MADD: variants seen among roughly 807,000 people sequenced by gnomAD.
MADD encodes the protein MAP kinase activating death domain.
In MADD, 109 loss-of-function variants were observed where a neutral mutation model predicts 176.7. The observed-to-expected ratio is 0.62, with a 90% CI of 0.53 to 0.72. The LOEUF (loss-of-function observed/expected upper bound fraction) is 0.72. Ranked by LOEUF, MADD falls within the 30% of genes least tolerant of loss-of-function variation. The probability of loss-of-function intolerance (pLI) is 0.00; values close to 1 mark genes in which losing one functional copy is unlikely to be tolerated. For missense variants in MADD, 1,914 were observed against 2,045.5 expected, an observed-to-expected ratio of 0.94 and a Z score of 1.24; for synonymous variants, 771 against 771.3, an observed-to-expected ratio of 1.00 and a Z score of 0.01.
At chr11:47,275,904 C>G in exon 4 of MADD, 1 of 1,606,598 alleles carries the variant, frequency 6.2e-7, no homozygotes. Flanking sequence ...CTCAGGGACA[C>G]CATGTGGCGG....
intron 22 of MADD, among the ~76,000 whole-genome samples, chr11:47,296,276 G>C (rs2071704978): frequency 6.6e-6 from 1 of 152,136 alleles, no homozygotes; most frequent in Non-Finnish European, 1.5e-5. Flanking sequence ...AATCATTGAT[G>C]AGTTAGGCTC....
intron 16 of MADD, 56 bp from the exon 18 acceptor site, chr11:47,289,811 G>T (rs550564901): frequency 1.1e-5 from 18 of 1,578,580 alleles, no homozygotes; most frequent in African/African-American, 2.7e-5. Context: ...GGTGAAAGGT[G>T]GGGGGTGCTC....
rs908242781 is a variant in MADD, at chr11:47,327,263, C to T, written c.4612+456C>T. On this transcript the variant is annotated intron_variant, in intron 31 of 32. Coordinates refer to ENST00000402192, the Ensembl canonical transcript of MADD. ...TGCCAGACAAAGGGGCACCGGGCGT[C>T]GCAGGCAGACTCACTTGAGGGACAG... 2.0e-5 allele frequency: 20 copies of T among 993,526 alleles called. No homozygotes were observed. In the Admixed American group the frequency reaches 2.3e-4, roughly 11 times the overall value. The allele number at this position is 993,526 out of a possible 1,614,324, so 61.5% of individuals were successfully genotyped here. A position where few individuals can be genotyped will look rare whatever the true frequency, so the allele number is the denominator to read the frequency against.
intron 27 of MADD, 103 bp from the exon 31 acceptor site, chr11:47,323,568 C>T (rs1475351526): frequency 8.0e-7 from 1 of 1,254,120 alleles, no homozygotes; most frequent in African/African-American, 1.5e-5. Flanking sequence ...GGCAGAAAAC[C>T]TGACCATGGG....
At chr11:47,322,415 T>G (rs944945185) in intron 27 of MADD, among the ~76,000 whole-genome samples, 1 of 151,888 alleles carries the variant, frequency 6.6e-6, no homozygotes, top group Non-Finnish European at 1.5e-5. Context: ...AGACTATCCT[T>G]GCTAACACGG....
intron 10 of MADD, 89 bp downstream of exon 10, chr11:47,283,058 G>C: frequency 8.7e-7 from 1 of 1,151,342 alleles, no homozygotes; most frequent in Non-Finnish European, 1.2e-6. Flanking sequence ...AAGTCTCATA[G>C]GCTTCCCATA....
intron 22 of MADD, among the ~76,000 whole-genome samples, chr11:47,304,125 A>T (rs1241861857): frequency 1.3e-5 from 2 of 151,928 alleles, no homozygotes; most frequent in Non-Finnish European, 2.9e-5. Context: ...ACTGTTTTCC[A>T]TTCTAACTTT....
chr11:47,284,646 T>G, intron 12 of MADD, 81 bp downstream of exon 12: 1 of 1,499,816 alleles, frequency 6.7e-7, no homozygotes, highest in Admixed American at 2.1e-5. Flanking sequence ...GCTGTAGCTA[T>G]TCATTTGCTG....
chr11:47,321,184 T>C (rs57271039), intron 27 of MADD, among the ~76,000 whole-genome samples: 2,499 of 152,330 alleles, frequency 0.016, 82 homozygotes, highest in African/African-American at 0.057. Context: ...TTAGAAATCA[T>C]GTGTTCTCCT....
At chr11:47,306,207 G>T (rs997587701) in intron 22 of MADD, among the ~76,000 whole-genome samples, 2 of 152,136 alleles carry the variant, frequency 1.3e-5, no homozygotes, top group African/African-American at 4.8e-5. Context: ...AGGTGGAGTG[G>T]CTCTGCCTCC....
At chr11:47,273,828 C>A in exon 2 of MADD, 1 of 1,202,006 alleles carries the variant, frequency 8.3e-7, no homozygotes, top group Non-Finnish European at 1.2e-6. Context: ...TCCTATTAGA[C>A]TTCGATTTTC....
chr11:47,286,098 T>C (rs1463410777), intron 14 of MADD, among the ~76,000 whole-genome samples: 3 of 152,194 alleles, frequency 2.0e-5, no homozygotes, highest in African/African-American at 7.2e-5. Context: ...GATTGTGAGT[T>C]TCTTCAGCAG....
At chr11:47,306,163 C>T (rs893430415) in intron 22 of MADD, among the ~76,000 whole-genome samples, 1 of 152,150 alleles carries the variant, frequency 6.6e-6, no homozygotes, top group African/African-American at 2.4e-5. Flanking sequence ...TAGGGTACTG[C>T]TTCAGCTGCA....
intron 27 of MADD, among the ~76,000 whole-genome samples, chr11:47,321,262 T>C (rs2094430451): frequency 6.6e-6 from 1 of 152,202 alleles, no homozygotes. Context: ...GTATTGTCCA[T>C]TTTCCCCCTG....
At position 47,302,685 on chromosome 11, in the gene MADD, A is replaced by AT. The variant is rs937820887; in HGVS notation, c.3643-5894dup. The stretch of plus-strand genomic sequence containing the variant: ...TAGGCAGCATATAGTTAGGTCAAGT[A>AT]TTTTTTTTTTTTAATCCATTCAGCC... On this transcript the variant is annotated intron_variant, in intron 22 of 32. Transcript: ENST00000402192. Among the ~76,000 whole-genome samples the AT allele has an allele frequency of 1.0e-2, 1,445 of 144,932 alleles. 23 individuals are homozygous for AT. The highest frequency in any genetic ancestry group is 0.033 in the African/African-American group (1,321 of 39,772).
rs767999606 is a variant in MADD at position 47,274,533 on chromosome 11, G to A, written c.63-30G>A. On this transcript the variant is annotated intron_variant, in intron 2 of 32. Transcript: ENST00000402192. ...TTTGATAGCCCATTCCATCCCTTCA[G>A]GCTGCTGAATTTGTCTTTATGTTCT... The A allele has an allele frequency of 9.0e-6, 14 of 1,558,370 alleles. No individual in the cohort carries two copies. In the South Asian group the frequency reaches 1.4e-4, roughly 15 times the overall value.
chr11:47,276,897 T>C, intron 5 of MADD, 34 bp downstream of exon 5: 4 of 1,611,172 alleles, frequency 2.5e-6, no homozygotes, highest in Non-Finnish European at 3.4e-6. Context: ...CTTTCTCACC[T>C]CTGTCTTCCT....
In MADD at chr11:47,285,298, G is replaced by A. The variant is rs1010087075; in HGVS notation, c.2411+104G>A. 49 of 1,555,028 alleles carry A rather than the reference G, an allele frequency of 3.2e-5. No individual in the cohort carries two copies. The South Asian group carries it at 5.6e-4, about 18-fold the overall frequency. On this transcript the variant is annotated intron_variant, in intron 13 of 32. Transcript: ENST00000402192. ...AAGTCTGAGAAGTCTGAATGCTCTC[G>A]TGGTCCTGCCATCCCCAGAGGATGG...
chr11:47,273,942 C>T (rs1238347890), exon 2 of MADD: 4 of 1,614,054 alleles, frequency 2.5e-6, no homozygotes, highest in Non-Finnish European at 2.5e-6. Flanking sequence ...GTTCTGTCCT[C>T]GGTTACTTGA....
Sources: gnomAD v4.1 joint callset for allele counts (sites outside exome capture counted in the v4.1 genomes callset) on GRCh38, gnomAD v4.1.1 for gene constraint, MANE v1.5 for transcripts, NCBI Gene and HGNC (gene_info 2026-07-23, HGNC 2026-07-21) for gene names.